Variants in LTBP3 observed in about 807,000 individuals in gnomAD.
The protein encoded by LTBP3 is latent transforming growth factor beta binding protein 3, also known as latent-transforming growth factor beta-binding protein 3.
A neutral mutation model predicts 159.7 loss-of-function variants in LTBP3; 97 were observed. That is an observed-to-expected ratio of 0.61 (90% CI 0.52 to 0.72). The LOEUF (loss-of-function observed/expected upper bound fraction) is 0.72. Ranked by LOEUF, LTBP3 falls within the 30% of genes least tolerant of loss-of-function variation. LTBP3 has a pLI of 0.00. For missense variants in LTBP3, 1,584 were observed against 1,864.3 expected (o/e 0.85, Z 2.77); for synonymous variants, 824 against 777.1 (o/e 1.06, Z -1.00).
chr11:65,545,960 TCCTCC>T (rs1856348654), intron 16 of LTBP3, among the ~76,000 whole-genome samples: 1 of 152,008 alleles, frequency 6.6e-6, no homozygotes, highest in South Asian at 2.1e-4. Flanking sequence ...GCTGTTCCTC[TCCTCC>T]TTTCTTGCCC....
rs899600589 is a variant in LTBP3, at chr11:65,548,376, A to G, written c.1721-331T>C. The G allele has an allele frequency of 7.0e-6, 4 of 571,380 alleles. No individual in the cohort carries two copies. In the Admixed American group the frequency reaches 1.2e-4, roughly 18 times the overall value. The allele number at this position is 571,380 out of a possible 1,614,324, so 35.4% of individuals were successfully genotyped here. A position where few individuals can be genotyped will look rare whatever the true frequency, so the allele number is the denominator to read the frequency against. On this transcript the variant is annotated intron_variant, in intron 11 of 27. Coordinates refer to ENST00000301873, the MANE Select transcript of LTBP3 (RefSeq NM_001130144.3). ...GCCCCTCAGTCGTCCCAGTACTCCC[A>G]CCCAAGGGACTAAAACTCCTTTCTC...
In LTBP3 at chr11:65,539,856, C is replaced by T. The variant is rs1477982097; in HGVS notation, c.3411G>A (p.Val1137=). ...PAERAPERRD[V]CWSQRGEDGM... is the part of the protein sequence containing the mutation. ...CGTCCTCTCCGCGCTGGCTCCAGCA[C>T]ACGTCGCGCCGCTCCGGGGCACGCT... is the stretch of plus-strand genomic sequence containing the variant. Residue 1137 remains valine (V), a synonymous_variant, in exon 25 of 28, where the codon GTG becomes GTA. Coordinates refer to ENST00000301873, the MANE Select transcript of LTBP3 (RefSeq NM_001130144.3). 1 of 1,518,642 alleles carries T rather than the reference C, an allele frequency of 6.6e-7. No homozygotes were observed. The highest frequency in any genetic ancestry group is 1.2e-5 in the South Asian group (1 of 82,274). 94.1% of individuals were successfully genotyped at this position (1,518,642 alleles called of 1,614,324 possible).
Position 65,546,862 on chromosome 11 carries a change from G to A in LTBP3, c.2166C>T (p.Pro722=). 1 of 1,612,226 alleles carries A rather than the reference G, an allele frequency of 6.2e-7. No homozygotes were observed. The highest frequency in any genetic ancestry group is 8.5e-7 in the Non-Finnish European group (1 of 1,179,946). ...GACAGGCGATGCACTTGAAGCTCCC[G>A]GGCTTGTTCTCGCATTTGCCATCCG... ...SCPDGKCENK[P]GSFKCIACQP... The change falls in exon 15 of 28, where the codon CCC becomes CCT. Residue 722 remains proline, a synonymous_variant. Coordinates refer to ENST00000301873, the MANE Select transcript of LTBP3 (RefSeq NM_001130144.3). The surrounding 1 kb of genome is among the most constrained non-coding windows in gnomAD (Gnocchi z 4.0).
At chr11:65,545,057 G>C (rs1426996819) in intron 16 of LTBP3, 2 of 163,924 alleles carry the variant, frequency 1.2e-5, no homozygotes, top group Admixed American at 6.4e-5. Flanking sequence ...GTAGGATTAG[G>C]GGGCAGACCC....
intron 21 of LTBP3, 120 bp from the exon 22 acceptor site, chr11:65,540,734 C>T (rs1241021292): frequency 2.0e-6 from 3 of 1,515,562 alleles, no homozygotes; most frequent in Non-Finnish European, 2.7e-6. Context: ...GCGGGGCCTA[C>T]AGGGCGGGGC....
At position 65,539,892 on chromosome 11, in the gene LTBP3, C is replaced by T; in HGVS notation, c.3386-11G>A. The T allele has an allele frequency of 6.6e-7, 1 of 1,507,482 alleles. No homozygotes were observed. Among genetic ancestry groups the T allele is most frequent in the Non-Finnish European group, 8.8e-7 (1 of 1,135,162 alleles). The allele number at this position is 1,507,482 out of a possible 1,614,324, so 93.4% of individuals were successfully genotyped here. On this transcript the variant is annotated splice_polypyrimidine_tract_variant and intron_variant, in intron 24 of 27. Coordinates refer to ENST00000301873, the MANE Select transcript of LTBP3 (RefSeq NM_001130144.3). Reference sequence around the variant, plus strand: ...GCTCCGGGGCACGCTCTGCGGAAGACACCTGGCATCAGGGGAGGGGCCCAA... The same window carrying T: ...GCTCCGGGGCACGCTCTGCGGAAGATACCTGGCATCAGGGGAGGGGCCCAA...
Position 65,554,486 on chromosome 11 carries a change from T to C in LTBP3, c.332-106A>G. ...TCTGTCCTCTTGGGAAGCCAGGTTT[T>C]GAGATACATCCTACATAGGGAAACT... On this transcript the variant is annotated intron_variant, in intron 1 of 27. Transcript: ENST00000301873. This position sits in a 1 kb window ranked among gnomAD's most constrained non-coding sequence, Gnocchi z 5.3. 1 of 862,036 alleles carries C rather than the reference T, an allele frequency of 1.2e-6. No homozygotes were observed. The highest frequency in any genetic ancestry group is 1.6e-5 in the South Asian group (1 of 60,648). The allele number at this position is 862,036 out of a possible 1,614,324, so 53.4% of individuals were successfully genotyped here.
Position 65,553,991 on chromosome 11 carries a change from C to T in LTBP3, c.661+60G>A. ...TCCTCCAGGGCTGAACCTGCCCTGC[C>T]CTGGCCACCCTAGTGCCCACCCACT... On this transcript the variant is annotated intron_variant, in intron 2 of 27. Coordinates refer to ENST00000301873, the MANE Select transcript of LTBP3 (RefSeq NM_001130144.3). This position sits in a 1 kb window ranked among gnomAD's most constrained non-coding sequence, Gnocchi z 6.5. 1 of 1,581,898 alleles carries T rather than the reference C, an allele frequency of 6.3e-7. No homozygotes were observed. The highest frequency in any genetic ancestry group is 1.7e-5 in the Admixed American group (1 of 59,496).
chr11:65,550,469 G>A (rs1000869430), intron 11 of LTBP3, among the ~76,000 whole-genome samples: 4 of 151,704 alleles, frequency 2.6e-5, no homozygotes, highest in African/African-American at 2.4e-5. Context: ...GAAGGAAGGA[G>A]TTCTGAGGGT....
chr11:65,539,000 G>C lies in LTBP3; in HGVS notation c.*80C>G, dbSNP rs1330120473. The C allele has an allele frequency of 6.8e-6, 9 of 1,316,944 alleles. No individual in the cohort carries two copies. The highest frequency in any genetic ancestry group is 4.0e-5 in the Admixed American group (1 of 25,166). The allele number at this position is 1,316,944 out of a possible 1,614,324, so 81.6% of individuals were successfully genotyped here. ...GAAGGTCCCTGGGTCCGAGCCACAA[G>C]TCGGGGCAGAAGTGAGGCCGAGCTC... On this transcript the variant is annotated 3_prime_UTR_variant, in exon 28 of 28. Transcript: ENST00000301873.
chr11:65,553,068 G>A lies in LTBP3; in HGVS notation c.1064-86C>T. On this transcript the variant is annotated intron_variant, in intron 5 of 27. Coordinates refer to ENST00000301873, the MANE Select transcript of LTBP3 (RefSeq NM_001130144.3). This position sits in a 1 kb window ranked among gnomAD's most constrained non-coding sequence, Gnocchi z 6.5. ...CCAAGAACCTCAGGGTCTTGCCCCAGCCCCACCTCCTCTCTCGCCCACCTT... is the reference window on the plus strand; with the variant it reads ...CCAAGAACCTCAGGGTCTTGCCCCAACCCCACCTCCTCTCTCGCCCACCTT... The A allele has an allele frequency of 2.5e-6, 4 of 1,607,350 alleles. No individual in the cohort carries two copies. Among genetic ancestry groups the A allele is most frequent in the Non-Finnish European group, 3.4e-6 (4 of 1,174,460 alleles).
chr11:65,539,594 A>G lies in LTBP3; in HGVS notation c.3582T>C (p.Asn1194=), dbSNP rs1316277720. The G allele has an allele frequency of 6.2e-7, 1 of 1,612,630 alleles. No individual in the cohort carries two copies. Among genetic ancestry groups the G allele is most frequent in the African/African-American group, 1.3e-5 (1 of 74,846 alleles). Residue 1194 remains asparagine (N), a synonymous_variant, in exon 26 of 28, where the codon AAT becomes AAC. Coordinates refer to ENST00000301873, the MANE Select transcript of LTBP3 (RefSeq NM_001130144.3). ...SHCPTSQSES[N]SFWDTSPLLL... is the part of the protein sequence containing the mutation. ...GCAGGGGGCTTGTGTCCCAGAAGGA[A>G]TTGCTCTCGCTCTGCGATGTCGGGC...
At chr11:65,540,850 G>A (rs1590761021) in intron 21 of LTBP3, 21 bp downstream of exon 21, 3 of 1,601,842 alleles carry the variant, frequency 1.9e-6, no homozygotes, top group East Asian at 4.5e-5. Context: ...CGCGGGGCGG[G>A]CGGAGCCGCA....
rs747724214 is a variant in LTBP3, at chr11:65,539,464, G to A, written c.3629-5C>T. The A allele has an allele frequency of 3.2e-6, 5 of 1,571,640 alleles. No homozygotes were observed. The highest frequency in any genetic ancestry group is 1.2e-5 in the South Asian group (1 of 86,072). ...CCTCCTCTGAACTGTCCTCATCTGC[G>A]TGGCCCGGAACAATATGGACTTCAA... is the stretch of plus-strand genomic sequence containing the variant. On this transcript the variant is annotated splice_region_variant and splice_polypyrimidine_tract_variant and intron_variant, in intron 26 of 27. Coordinates refer to ENST00000301873, the MANE Select transcript of LTBP3 (RefSeq NM_001130144.3).
chr11:65,551,337 T>A, intron 10 of LTBP3, 65 bp downstream of exon 10: 1 of 1,583,044 alleles, frequency 6.3e-7, no homozygotes, highest in Non-Finnish European at 8.6e-7. Context: ...GTACTTAAAC[T>A]GTGAACTCCC....
chr11:65,554,244 G>C lies in LTBP3; in HGVS notation c.468C>G (p.Pro156=), dbSNP rs776378328. ...ACAGGGCCCCTGTCCTGCTCAGGCC[G>C]GGGCCTGAGCCGCCGGTACCCCCAC... is the stretch of plus-strand genomic sequence containing the variant. ...GAGGGTGGSG[P]GLSRTGALST... is the part of the protein sequence containing the mutation. Residue 156 remains proline (P), a synonymous_variant, in exon 2 of 28, where the codon CCC becomes CCG. Coordinates refer to ENST00000301873, the MANE Select transcript of LTBP3 (RefSeq NM_001130144.3). The surrounding 1 kb of genome is among the most constrained non-coding windows in gnomAD (Gnocchi z 5.3). 9 of 1,608,270 alleles carry C rather than the reference G, an allele frequency of 5.6e-6. No homozygotes were observed. The highest frequency in any genetic ancestry group is 6.8e-6 in the Non-Finnish European group (8 of 1,178,654).
rs1445499882 is a variant in LTBP3, at chr11:65,539,412, C to T, written c.3676G>A (p.Gly1226Ser). The change falls in exon 27 of 28, where the codon GGC becomes AGC. Residue 1226 changes from glycine (G) to serine (S), a missense_variant. By Grantham distance (56) the Gly-to-Ser change is moderately conservative. Around this residue, in one of 6 missense-constraint regions of LTBP3, gnomAD observed 514 missense variants for 530.3 expected, o/e 0.97. Coordinates refer to ENST00000301873, the MANE Select transcript of LTBP3 (RefSeq NM_001130144.3). ...CCGCCCGGCCGCGGCACGCAGCGGC[C>T]ACTCACGCAGCGACACTCGTCTGAA... ...EDSDECRCVS[G>S]RCVPRPGGAV... 4 of 1,550,380 alleles carry T rather than the reference C, an allele frequency of 2.6e-6. No individual in the cohort carries two copies. The highest frequency in any genetic ancestry group is 3.5e-6 in the Non-Finnish European group (4 of 1,146,720).
chr11:65,542,011 G>A (rs769724963), intron 18 of LTBP3: 7 of 413,390 alleles, frequency 1.7e-5, no homozygotes, highest in African/African-American at 1.2e-4. Flanking sequence ...ATACCTTTAG[G>A]TCTCATCACG....
At chr11:65,540,687 G>C (rs561215781) in intron 21 of LTBP3, 73 bp from the exon 22 acceptor site, 633 of 1,603,452 alleles carry the variant, frequency 3.9e-4, no homozygotes, top group Middle Eastern at 4.9e-4. Flanking sequence ...GCGCACCACC[G>C]GAGCGAAGCC....
Sources: gnomAD v4.1 joint callset for allele counts (sites outside exome capture counted in the v4.1 genomes callset) on GRCh38, gnomAD v4.1.1 for gene constraint, gnomAD v4.1.1 regional missense constraint, Gnocchi (gnomAD v3.1) non-coding constraint, MANE v1.5 for transcripts, NCBI Gene and HGNC (gene_info 2026-07-23, HGNC 2026-07-21) for gene names.